SNX24: variants seen among roughly 807,000 people sequenced by gnomAD.
SNX24 encodes sorting nexin 24.
SNX24 carries 22 observed loss-of-function variants against 28.7 expected under a neutral mutation model. That is an observed-to-expected ratio of 0.77 (90% CI 0.55 to 1.10). SNX24 has a LOEUF of 1.10. SNX24 is among the 50% of genes least tolerant of loss of function. SNX24 has a pLI of 0.00. For missense variants in SNX24, 221 were observed against 201.1 expected (o/e 1.10, Z -0.60); for synonymous variants, 69 against 71.5 (o/e 0.96, Z 0.18).
intron 1 of SNX24, among the ~76,000 whole-genome samples, chr5:122,883,199 C>G (rs1048854619): frequency 1.4e-4 from 21 of 152,286 alleles, no homozygotes; most frequent in African/African-American, 4.1e-4. Context: ...TATGTGTGTG[C>G]ATGTTTCCAC....
At chr5:122,873,084 A>G (rs1756055740) in intron 1 of SNX24, among the ~76,000 whole-genome samples, 1 of 152,076 alleles carries the variant, frequency 6.6e-6, no homozygotes, top group Non-Finnish European at 1.5e-5. Context: ...CACCTGCCTC[A>G]GTCTCCTGAG....
At chr5:122,859,581 G>A (rs1026895296) in intron 1 of SNX24, among the ~76,000 whole-genome samples, 2 of 152,134 alleles carry the variant, frequency 1.3e-5, no homozygotes, top group African/African-American at 4.8e-5. Flanking sequence ...TAGCCTGGGT[G>A]GCAGAGCAAG....
intron 1 of SNX24, among the ~76,000 whole-genome samples, chr5:122,881,895 A>G (rs1355636327): frequency 1.3e-5 from 2 of 151,832 alleles, no homozygotes; most frequent in East Asian, 3.8e-4. Context: ...TAAAAGCATT[A>G]ACATTTGTCT....
At position 123,008,379 on chromosome 5, in the gene SNX24, C is replaced by T. The variant is rs1762485350; in HGVS notation, c.*630C>T. 1 of 812,916 alleles carries T rather than the reference C, an allele frequency of 1.2e-6. No individual in the cohort carries two copies. The highest frequency in any genetic ancestry group is 1.9e-5 in the African/African-American group (1 of 53,854). 50.4% of individuals were successfully genotyped at this position (812,916 alleles called of 1,614,324 possible). On this transcript the variant is annotated 3_prime_UTR_variant, in exon 7 of 7. Coordinates refer to ENST00000261369, the MANE Select transcript of SNX24 (RefSeq NM_014035.4). ...ATACTCAGGGGTTAGCTTCCAAGGT[C>T]AGTACATAGGTAAAATGGGCTATTA...
rs953156949 is a variant in SNX24, at chr5:122,952,037, C to A, written c.249+5878C>A. 2.6e-5 allele frequency among the ~76,000 whole-genome samples: 4 copies of A among 152,288 alleles called. No homozygotes were observed. In the South Asian group the frequency reaches 8.3e-4, roughly 32 times the overall value. On this transcript the variant is annotated intron_variant, in intron 3 of 6. Transcript: ENST00000261369. Reference sequence around the variant, plus strand: ...AACTTAATATAAACTGTTTCATGCACAAAATTATTTAAAATATTGACTAAA... The same window carrying A: ...AACTTAATATAAACTGTTTCATGCAAAAAATTATTTAAAATATTGACTAAA...
At chr5:122,963,898 T>C (rs1760592536) in intron 3 of SNX24, among the ~76,000 whole-genome samples, 1 of 152,122 alleles carries the variant, frequency 6.6e-6, no homozygotes. Flanking sequence ...ATATCCAACA[T>C]CTTTGGAAAA....
intron 1 of SNX24, among the ~76,000 whole-genome samples, chr5:122,849,930 G>T (rs1463139111): frequency 1.3e-5 from 2 of 152,206 alleles, no homozygotes; most frequent in African/African-American, 4.8e-5. Context: ...AGCTCAGAGA[G>T]TTAGGTGGAG....
At chr5:122,889,749 A>T (rs115613542) in intron 1 of SNX24, among the ~76,000 whole-genome samples, 9,883 of 148,408 alleles carry the variant, frequency 0.067, 491 homozygotes, top group African/African-American at 0.14. Context: ...ATGTGTATAT[A>T]TATACATTAT....
At chr5:122,902,901 G>A (rs1314257398) in intron 1 of SNX24, among the ~76,000 whole-genome samples, 1 of 152,064 alleles carries the variant, frequency 6.6e-6, no homozygotes, top group Non-Finnish European at 1.5e-5. Context: ...ATATTAGTCT[G>A]CCACTGTTGC....
intron 1 of SNX24, among the ~76,000 whole-genome samples, chr5:122,923,584 C>G (rs868307825): frequency 6.6e-6 from 1 of 152,178 alleles, no homozygotes; most frequent in Non-Finnish European, 1.5e-5. Flanking sequence ...GGCCTGCGTT[C>G]TTTCACGGAC....
At chr5:122,921,492 A>T (rs913749221) in intron 1 of SNX24, among the ~76,000 whole-genome samples, 1 of 152,222 alleles carries the variant, frequency 6.6e-6, no homozygotes, top group Non-Finnish European at 1.5e-5. Flanking sequence ...ACTTGTGGAA[A>T]AATGCTTGGC....
At chr5:122,990,176 G>A (rs908914276) in intron 3 of SNX24, among the ~76,000 whole-genome samples, 13 of 152,124 alleles carry the variant, frequency 8.5e-5, no homozygotes, top group South Asian at 2.1e-4. Flanking sequence ...TAAGTCTGTT[G>A]TCACACTCTC....
intron 3 of SNX24, among the ~76,000 whole-genome samples, chr5:122,952,970 G>T (rs1760021343): frequency 6.6e-6 from 1 of 152,190 alleles, no homozygotes; most frequent in African/African-American, 2.4e-5. Context: ...AAGGGGATGG[G>T]AGGTACAATA....
rs550589871 is a variant in SNX24 at position 123,008,885 on chromosome 5, A to G, written c.*1136A>G. 3 of 984,070 alleles carry G rather than the reference A, an allele frequency of 3.0e-6. No individual in the cohort carries two copies. In the Admixed American group the frequency reaches 1.8e-4, roughly 60 times the overall value. The allele number at this position is 984,070 out of a possible 1,614,324, so 61.0% of individuals were successfully genotyped here. The stretch of plus-strand genomic sequence containing the variant: ...TATACTACCTATATGTATGTGCTGT[A>G]TGTGGGCATTTCATTGAGATCTAAT... On this transcript the variant is annotated 3_prime_UTR_variant, in exon 7 of 7. Coordinates refer to ENST00000261369, the MANE Select transcript of SNX24 (RefSeq NM_014035.4).
intron 1 of SNX24, among the ~76,000 whole-genome samples, chr5:122,861,086 TC>T (rs946612525): frequency 2.2e-4 from 33 of 150,694 alleles, no homozygotes; most frequent in African/African-American, 7.8e-4. Flanking sequence ...ACGCCTATAA[TC>T]CCAGCACTTT....
chr5:122,863,003 A>G (rs987092691), intron 1 of SNX24, among the ~76,000 whole-genome samples: 2 of 152,202 alleles, frequency 1.3e-5, no homozygotes, highest in Admixed American at 6.5e-5. Flanking sequence ...TTATCTACCT[A>G]TTAAGTGGCA....
At chr5:122,866,186 G>A (rs945537591) in intron 1 of SNX24, among the ~76,000 whole-genome samples, 1 of 152,196 alleles carries the variant, frequency 6.6e-6, no homozygotes, top group Non-Finnish European at 1.5e-5. Flanking sequence ...GTCTTGCTCT[G>A]TCACCCAGGC....
Position 122,998,922 on chromosome 5 carries a change from A to C in SNX24, c.250-990A>C, listed in dbSNP as rs74809068. On this transcript the variant is annotated intron_variant, in intron 3 of 6. Transcript: ENST00000261369. ...TCACCACTGATTCTCATAGTTCTTT[A>C]AACAACATGTACTTACTGGACAAAA... is the stretch of plus-strand genomic sequence containing the variant. 4.7e-3 allele frequency among the ~76,000 whole-genome samples: 716 copies of C among 152,328 alleles called. 3 individuals carry two copies. Among genetic ancestry groups the C allele is most frequent in the Non-Finnish European group, 8.3e-3 (563 of 68,036 alleles).
intron 3 of SNX24, among the ~76,000 whole-genome samples, chr5:122,961,324 A>G (rs1760480295): frequency 6.6e-6 from 1 of 152,224 alleles, no homozygotes; most frequent in Admixed American, 6.5e-5. Flanking sequence ...TTTAAACTGC[A>G]TCTGAAGGAA....
Sources: gnomAD v4.1 joint callset for allele counts (sites outside exome capture counted in the v4.1 genomes callset) on GRCh38, gnomAD v4.1.1 for gene constraint, MANE v1.5 for transcripts, NCBI Gene and HGNC (gene_info 2026-07-23, HGNC 2026-07-21) for gene names.